Variants in TVP23A observed in about 807,000 individuals in gnomAD.
TVP23A encodes trans-golgi network vesicle protein 23 homolog A.
Under a neutral mutation model 31.7 loss-of-function variants are expected in TVP23A, and 21 were observed. The observed-to-expected ratio is 0.66, with a 90% confidence interval of 0.47 to 0.95. The LOEUF is 0.95. Among genes scored for constraint, TVP23A ranks in the 40% least tolerant of loss-of-function variants. TVP23A has a pLI of 0.00. For synonymous variants in TVP23A, 104 were observed against 96.0 expected (o/e 1.08, Z -0.49); for missense variants, 279 against 255.6 (o/e 1.09, Z -0.62).
intron 2 of TVP23A, among the ~76,000 whole-genome samples, chr16:10,790,357 T>A (rs1327255366): frequency 1.4e-5 from 2 of 145,226 alleles, no homozygotes; most frequent in Non-Finnish European, 3.0e-5. Flanking sequence ...TGATCTCGGC[T>A]CACTACAACC....
chr16:10,817,038 A>G (rs1311211033), intron 2 of TVP23A, among the ~76,000 whole-genome samples: 1 of 152,064 alleles, frequency 6.6e-6, no homozygotes, highest in African/African-American at 2.4e-5. Flanking sequence ...ACAGGCCACA[A>G]GCCACAGAAT....
At chr16:10,771,582 T>C in intron 6 of TVP23A, 88 bp downstream of exon 6, 1 of 1,522,624 alleles carries the variant, frequency 6.6e-7, no homozygotes. Context: ...GCGGATATGT[T>C]ACATTACAAA....
chr16:10,818,620 G>C lies in TVP23A; in HGVS notation c.-127C>G. The C allele has an allele frequency of 2.5e-6, 3 of 1,221,736 alleles. No homozygotes were observed. The highest frequency in any genetic ancestry group is 3.3e-6 in the Non-Finnish European group (3 of 911,480). 75.7% of individuals were successfully genotyped at this position (1,221,736 alleles called of 1,614,324 possible). On this transcript the variant is annotated 5_prime_UTR_variant, in exon 1 of 8. Transcript: ENST00000299866. This position sits in a 1 kb window ranked among gnomAD's most constrained non-coding sequence, Gnocchi z 4.7. The stretch of plus-strand genomic sequence containing the variant: ...CGGTGGACGCTGAGGGTCGGGGCCT[G>C]CGCCCTGTGGGGCAGCCTCAGCGCA...
chr16:10,761,826 C>G, downstream of TVP23A: 1 of 1,614,128 alleles, frequency 6.2e-7, no homozygotes, highest in Non-Finnish European at 8.5e-7. Flanking sequence ...GGAGGTCCCT[C>G]TCCTCGGCAG....
At chr16:10,761,301 T>G in exon 9 of TVP23A, 1 of 1,463,838 alleles carries the variant, frequency 6.8e-7, no homozygotes, top group Admixed American at 1.7e-5. Flanking sequence ...ATCCCCTCGG[T>G]TGCACAGACA....
chr16:10,775,051 G>C lies in TVP23A; in HGVS notation c.135C>G (p.Ala45=). ...AGTCGCAGCTCACGTAGGTGACGAT[G>C]GCACTCACTCGGAAAAACAGGTGGA... ...TFFHLFFRVS[A]IVTYVSCDWF... Residue 45 remains alanine (A), a synonymous_variant, in exon 3 of 8, where the codon GCC becomes GCG. Transcript: ENST00000299866. 1 of 1,611,832 alleles carries C rather than the reference G, an allele frequency of 6.2e-7. No individual in the cohort carries two copies. Among genetic ancestry groups the C allele is most frequent in the South Asian group, 1.1e-5 (1 of 90,580 alleles).
chr16:10,781,262 G>A (rs1464644150), intron 2 of TVP23A, among the ~76,000 whole-genome samples: 1 of 151,772 alleles, frequency 6.6e-6, no homozygotes, highest in Non-Finnish European at 1.5e-5. Context: ...CTGGGAGGTG[G>A]AGGTTGCAGT....
At chr16:10,781,862 T>G (rs1166004623) in intron 2 of TVP23A, among the ~76,000 whole-genome samples, 4 of 133,548 alleles carry the variant, frequency 3.0e-5, no homozygotes, top group Non-Finnish European at 4.8e-5. Flanking sequence ...TTTTTTTTTT[T>G]TTTTTTTTTT....
At position 10,777,923 on chromosome 16, in the gene TVP23A, A is replaced by G. The variant is rs1471553443; in HGVS notation, c.90-2827T>C. On this transcript the variant is annotated intron_variant, in intron 2 of 7. Coordinates refer to ENST00000299866, the MANE Select transcript of TVP23A (RefSeq NM_001079512.4). The surrounding 1 kb of genome is among the most constrained non-coding windows in gnomAD (Gnocchi z 4.5). ...CTACTCGGGACGCTGAGGCAGGAGA[A>G]TTGCTTGAATCTGGGAGGCGGAGGT... 6.6e-6 allele frequency among the ~76,000 whole-genome samples: 1 copy of G among 152,156 alleles called. No homozygotes were observed. Among genetic ancestry groups the G allele is most frequent in the Admixed American group, 6.6e-5 (1 of 15,264 alleles).
chr16:10,784,035 A>T (rs1348349505), intron 2 of TVP23A, among the ~76,000 whole-genome samples: 1 of 152,082 alleles, frequency 6.6e-6, no homozygotes, highest in Non-Finnish European at 1.5e-5. Context: ...ACATTTGCCA[A>T]AACTCATAGA....
chr16:10,800,067 T>C (rs1401006369), intron 2 of TVP23A, among the ~76,000 whole-genome samples: 1 of 150,922 alleles, frequency 6.6e-6, no homozygotes, highest in Non-Finnish European at 1.5e-5. Context: ...CCCCCAGTTA[T>C]ATGCTTTTCA....
intron 2 of TVP23A, among the ~76,000 whole-genome samples, chr16:10,790,323 C>T (rs941033169): frequency 1.6e-5 from 2 of 126,812 alleles, no homozygotes; most frequent in South Asian, 2.5e-4. Flanking sequence ...CTCGCACTGT[C>T]GCCCAGGCTG....
exon 9 of TVP23A, chr16:10,761,490 G>T: frequency 6.2e-7 from 1 of 1,600,026 alleles, no homozygotes; most frequent in East Asian, 2.2e-5. Flanking sequence ...GGCGCGTGGG[G>T]CTGCCAGGCG....
intron 2 of TVP23A, 151 bp downstream of exon 2, chr16:10,817,952 G>A (rs935193196): frequency 2.9e-6 from 2 of 679,678 alleles, no homozygotes; most frequent in African/African-American, 3.5e-5. Flanking sequence ...CTCCAGGAGG[G>A]CAGGGACTTT....
At chr16:10,815,000 T>G (rs2034372971) in intron 2 of TVP23A, among the ~76,000 whole-genome samples, 1 of 152,146 alleles carries the variant, frequency 6.6e-6, no homozygotes, top group African/African-American at 2.4e-5. Flanking sequence ...CTTCCCAGCC[T>G]AACCAACTCC....
intron 2 of TVP23A, chr16:10,808,434 G>T: frequency 2.3e-6 from 1 of 436,898 alleles, no homozygotes; most frequent in South Asian, 1.6e-5. Flanking sequence ...ATTTCCTGTA[G>T]TGTCTGAGAC....
At chr16:10,802,278 G>T (rs893530884) in intron 2 of TVP23A, among the ~76,000 whole-genome samples, 1 of 108,212 alleles carries the variant, frequency 9.2e-6, no homozygotes, top group East Asian at 2.8e-4. Context: ...GTGTGTGTGT[G>T]TGTGTGTATA....
At chr16:10,813,474 TA>T (rs775271209) in intron 2 of TVP23A, among the ~76,000 whole-genome samples, 1 of 152,186 alleles carries the variant, frequency 6.6e-6, no homozygotes, top group Non-Finnish European at 1.5e-5. Context: ...ATAATCCAAT[TA>T]ATGTTTGGAT....
At chr16:10,776,625 T>C (rs1043221586) in intron 2 of TVP23A, among the ~76,000 whole-genome samples, 5 of 152,198 alleles carry the variant, frequency 3.3e-5, no homozygotes, top group African/African-American at 1.2e-4. Flanking sequence ...GAGAGGGTTC[T>C]TGGATCTCAC....
Sources: allele counts gnomAD v4.1 joint callset (sites outside exome capture counted in the v4.1 genomes callset), GRCh38; gene constraint gnomAD v4.1.1; non-coding constraint Gnocchi (gnomAD v3.1); transcripts MANE v1.5; gene names NCBI Gene and HGNC (gene_info 2026-07-23, HGNC 2026-07-21).